NME7: variants seen among roughly 807,000 people sequenced by gnomAD.
NME7 encodes nucleoside diphosphate kinase 7.
NME7 carries 41 observed loss-of-function variants against 49.1 expected under a neutral mutation model. That is an observed-to-expected ratio of 0.83 (90% CI 0.65 to 1.08). NME7 has a LOEUF of 1.08. Ranked by LOEUF, NME7 falls within the 50% of genes least tolerant of loss-of-function variation. NME7 has a pLI of 0.00. For missense variants in NME7, 423 were observed against 463.4 expected (o/e 0.91, Z 0.80); for synonymous variants, 139 against 150.6 (o/e 0.92, Z 0.56).
intron 6 of NME7, among the ~76,000 whole-genome samples, chr1:169,289,098 T>C (rs1166257100): frequency 2.0e-5 from 3 of 152,194 alleles, no homozygotes; most frequent in Non-Finnish European, 4.4e-5. Flanking sequence ...CCACCAAAGC[T>C]GCTCATTAAA....
At chr1:169,306,290 T>C (rs1040119399) in intron 4 of NME7, among the ~76,000 whole-genome samples, 1 of 152,178 alleles carries the variant, frequency 6.6e-6, no homozygotes, top group African/African-American at 2.4e-5. Context: ...AATGGTAACA[T>C]GTTCAAATTT....
intron 3 of NME7, chr1:169,322,625 A>T: frequency 6.6e-6 from 1 of 150,846 alleles, no homozygotes. Context: ...TTTTTACAAC[A>T]CTCACATTGT....
intron 10 of NME7, among the ~76,000 whole-genome samples, chr1:169,174,392 GA>G (rs1194679461): frequency 6.6e-6 from 1 of 152,084 alleles, no homozygotes; most frequent in African/African-American, 2.4e-5. Flanking sequence ...TGTAAGAATT[GA>G]AAATGCCCTT....
At chr1:169,252,327 T>C (rs1341101784) in intron 7 of NME7, among the ~76,000 whole-genome samples, 1 of 152,160 alleles carries the variant, frequency 6.6e-6, no homozygotes, top group African/African-American at 2.4e-5. Context: ...ATGAGCATTT[T>C]TTCATGTGTT....
intron 10 of NME7, among the ~76,000 whole-genome samples, chr1:169,175,860 G>A (rs550285828): frequency 6.6e-6 from 1 of 152,222 alleles, no homozygotes; most frequent in South Asian, 2.1e-4. Flanking sequence ...GTGAAACAAT[G>A]TTACAATCAT....
At chr1:169,296,891 C>T (rs896553814) in intron 6 of NME7, among the ~76,000 whole-genome samples, 2 of 152,036 alleles carry the variant, frequency 1.3e-5, no homozygotes, top group Non-Finnish European at 2.9e-5. Context: ...TATTACCACC[C>T]AGGTCCAAGC....
At chr1:169,291,592 G>A (rs904715411) in intron 6 of NME7, among the ~76,000 whole-genome samples, 2 of 151,788 alleles carry the variant, frequency 1.3e-5, no homozygotes, top group Non-Finnish European at 2.9e-5. Context: ...CATGGCACGT[G>A]TATACCTACA....
At chr1:169,133,688 C>A (rs1036984420) in intron 11 of NME7, among the ~76,000 whole-genome samples, 11 of 152,188 alleles carry the variant, frequency 7.2e-5, no homozygotes, top group Non-Finnish European at 1.0e-4. Context: ...CTTTAGGAGA[C>A]TTCAGTAGTT....
chr1:169,229,387 T>C (rs1647495441), intron 10 of NME7, among the ~76,000 whole-genome samples: 1 of 152,236 alleles, frequency 6.6e-6, no homozygotes, highest in Non-Finnish European at 1.5e-5. Flanking sequence ...TTGTCTTTCA[T>C]ACCCCTGCTT....
intron 7 of NME7, among the ~76,000 whole-genome samples, chr1:169,253,321 G>T (rs1420278863): frequency 6.7e-6 from 1 of 149,586 alleles, no homozygotes; most frequent in African/African-American, 2.5e-5. Flanking sequence ...TCTCTTTGAA[G>T]CAATTGTGAA....
intron 1 of NME7, among the ~76,000 whole-genome samples, chr1:169,339,361 A>G (rs1260079853): frequency 6.6e-6 from 1 of 152,224 alleles, no homozygotes; most frequent in Non-Finnish European, 1.5e-5. Flanking sequence ...ACTTGCCAAC[A>G]ATTAACTGAA....
chr1:169,219,456 G>C (rs4385775), intron 10 of NME7, among the ~76,000 whole-genome samples: 1 of 151,944 alleles, frequency 6.6e-6, no homozygotes, highest in African/African-American at 2.4e-5. Context: ...TTAACTATGC[G>C]CAGATTTTGG....
chr1:169,234,879 G>T (rs954602829), intron 9 of NME7, among the ~76,000 whole-genome samples: 3 of 152,126 alleles, frequency 2.0e-5, no homozygotes, highest in Non-Finnish European at 4.4e-5. Flanking sequence ...TTGTATGGAT[G>T]AAAGACAGAG....
At chr1:169,238,802 CT>C (rs1366736921) in intron 7 of NME7, among the ~76,000 whole-genome samples, 1 of 152,014 alleles carries the variant, frequency 6.6e-6, no homozygotes, top group African/African-American at 2.4e-5. Flanking sequence ...GTAGAACAGG[CT>C]CATGCCTAAC....
chr1:169,230,870 TCCC>T, intron 9 of NME7, 51 bp from the exon 10 acceptor site: 1 of 1,286,144 alleles, frequency 7.8e-7, no homozygotes, highest in Non-Finnish European at 1.1e-6. Context: ...TTTTTAACTC[TCCC>T]CTTTTAATTG....
At chr1:169,213,038 G>A (rs1045780976) in intron 10 of NME7, among the ~76,000 whole-genome samples, 2 of 152,060 alleles carry the variant, frequency 1.3e-5, no homozygotes, top group African/African-American at 4.8e-5. Flanking sequence ...CCGAAGAGCT[G>A]TCAAGAGTCC....
rs1254910864 is a variant in NME7 at position 169,267,211 on chromosome 1, AG to A, written c.754+20091del. 1.5e-5 allele frequency among the ~76,000 whole-genome samples: 2 copies of A among 133,870 alleles called. 1 individual carries two copies. The highest frequency in any genetic ancestry group is 3.5e-5 in the Non-Finnish European group (2 of 56,972). The allele number at this position is 133,870 out of a possible 152,430, so 87.8% of individuals were successfully genotyped here. A position where few individuals can be genotyped will look rare whatever the true frequency, so the allele number is the denominator to read the frequency against. ...AAATATCTAGGAATACAGCTAACCAAGGAAGTTAAAGATCTCTATAATGAAA... is the reference window on the plus strand; with the variant it reads ...AAATATCTAGGAATACAGCTAACCAAGAAGTTAAAGATCTCTATAATGAAA... On this transcript the variant is annotated intron_variant, in intron 7 of 11. Transcript: ENST00000367811.
At chr1:169,268,013 A>G (rs1649372029) in intron 7 of NME7, among the ~76,000 whole-genome samples, 1 of 133,724 alleles carries the variant, frequency 7.5e-6, no homozygotes. Flanking sequence ...CTACAGAATG[A>G]GAGAAAATAT....
At chr1:169,194,036 T>C (rs1312569680) in intron 10 of NME7, among the ~76,000 whole-genome samples, 1 of 151,426 alleles carries the variant, frequency 6.6e-6, no homozygotes, top group Non-Finnish European at 1.5e-5. Context: ...CAGATAAACA[T>C]ACTGAAAAAT....
Sources: gnomAD v4.1 joint callset for allele counts (sites outside exome capture counted in the v4.1 genomes callset) on GRCh38, gnomAD v4.1.1 for gene constraint, MANE v1.5 for transcripts, NCBI Gene and HGNC (gene_info 2026-07-23, HGNC 2026-07-21) for gene names.